SCN11A: variants seen among roughly 807,000 people sequenced by gnomAD.
SCN11A encodes sodium voltage-gated channel alpha subunit 11, also known as sodium channel protein type 11 subunit alpha.
A neutral mutation model predicts 162.2 loss-of-function variants in SCN11A; 122 were observed. That is an observed-to-expected ratio of 0.75 (90% CI 0.65 to 0.87). SCN11A has a LOEUF of 0.87. SCN11A is among the 40% of genes least tolerant of loss of function. The pLI is 0.00. For synonymous variants in SCN11A, 758 were observed against 751.5 expected (o/e 1.01, Z -0.14); for missense variants, 2,015 against 2,181.6 (o/e 0.92, Z 1.52).
In SCN11A at chr3:38,867,407, C is replaced by A. The variant is rs536925812; in HGVS notation, c.3865G>T (p.Val1289Leu). 1 of 1,612,888 alleles carries A rather than the reference C, an allele frequency of 6.2e-7. No individual in the cohort carries two copies. Residue 1289 changes from valine to leucine, a missense_variant, in exon 27 of 30, where the codon GTA (valine) becomes TTA (leucine). Val to Leu is a conservative substitution (Grantham distance 32, BLOSUM62 1). Coordinates refer to ENST00000302328, the MANE Select transcript of SCN11A (RefSeq NM_001349253.2). ...AATGAGCCAAAGATGATAAAGACTA[C>A]GAAGTAAATGTAACCGAGTGAATTG... ...ESNSLGYIYF[V>L]VFIIFGSFFT...
chr3:38,870,171 G>C (rs1424000418), intron 26 of SCN11A, among the ~76,000 whole-genome samples: 10 of 152,124 alleles, frequency 6.6e-5, no homozygotes, highest in Non-Finnish European at 1.2e-4. Context: ...TCCAACTTTG[G>C]GAATCTGTGA....
intron 7 of SCN11A, 22 bp downstream of exon 7, chr3:38,945,388 GT>G: frequency 6.6e-7 from 1 of 1,509,822 alleles, no homozygotes; most frequent in Non-Finnish European, 9.2e-7. Context: ...CTTAGGACAG[GT>G]GAGTGAAGGA....
chr3:38,880,518 G>A (rs2065291376), intron 22 of SCN11A, among the ~76,000 whole-genome samples: 1 of 152,046 alleles, frequency 6.6e-6, no homozygotes, highest in African/African-American at 2.4e-5. Context: ...CAATTGCCTT[G>A]GTGGATTAAT....
At chr3:38,887,768 G>A (rs1002221051) in intron 19 of SCN11A, among the ~76,000 whole-genome samples, 2 of 151,984 alleles carry the variant, frequency 1.3e-5, no homozygotes, top group African/African-American at 4.8e-5. Context: ...GCTAGCAGCC[G>A]GACGGATCCT....
Position 38,871,476 on chromosome 3 carries a change from A to C in SCN11A, c.3728T>G (p.Val1243Gly). Residue 1243 changes from valine to glycine, a missense_variant, in exon 25 of 30, where the codon GTG becomes GGG. Transcript: ENST00000302328. ...WINQKVNFDN[V>G]GNAYLALLQV... ...CAGCAGAGCGAGGTAAGCATTTCCCACATTGTCAAAGTTGACTTTCTGGTT... is the reference window on the plus strand; with the variant it reads ...CAGCAGAGCGAGGTAAGCATTTCCCCCATTGTCAAAGTTGACTTTCTGGTT... The C allele has an allele frequency of 6.2e-7, 1 of 1,612,102 alleles. No individual in the cohort carries two copies. The highest frequency in any genetic ancestry group is 8.5e-7 in the Non-Finnish European group (1 of 1,179,120).
chr3:38,959,310 T>C (rs1189471904), intron 3 of SCN11A, among the ~76,000 whole-genome samples: 1 of 152,214 alleles, frequency 6.6e-6, no homozygotes, highest in Non-Finnish European at 1.5e-5. Context: ...ATCACATAAG[T>C]AAGTGCTGGA....
At position 38,921,170 on chromosome 3, in the gene SCN11A, G is replaced by A. The variant is rs910354586; in HGVS notation, c.798C>T (p.Ile266=). The change falls in exon 10 of 30, where the codon ATC becomes ATT. Residue 266 remains isoleucine (I), a synonymous_variant. Coordinates refer to ENST00000302328, the MANE Select transcript of SCN11A (RefSeq NM_001349253.2). ...AGAGCTGCTGACCTACCAGGGCAAA[G>A]ATGCTGAGGCAAAAGAAGGTGAGGA... ...VIILTFFCLS[I]FALVGQQLFM... 2.5e-6 allele frequency: 4 copies of A among 1,614,010 alleles called. No homozygotes were observed. In the African/African-American group the frequency reaches 5.3e-5, roughly 22 times the overall value.
At chr3:38,968,370 C>A (rs1386347316) in intron 2 of SCN11A, among the ~76,000 whole-genome samples, 2 of 152,232 alleles carry the variant, frequency 1.3e-5, no homozygotes, top group African/African-American at 4.8e-5. Context: ...GGAGGTCAGG[C>A]AGCTGCCCCT....
chr3:38,881,559 A>C (rs1231763301), intron 22 of SCN11A, among the ~76,000 whole-genome samples: 1 of 152,176 alleles, frequency 6.6e-6, no homozygotes, highest in Non-Finnish European at 1.5e-5. Context: ...TCTTATTATT[A>C]CATAGTTGCC....
chr3:38,927,778 T>C (rs140026552), intron 7 of SCN11A, among the ~76,000 whole-genome samples: 345 of 152,262 alleles, frequency 2.3e-3, no homozygotes, highest in Non-Finnish European at 3.7e-3. Flanking sequence ...TCATGAGAAC[T>C]CACTATTACG....
intron 7 of SCN11A, among the ~76,000 whole-genome samples, chr3:38,943,732 T>C (rs1158785656): frequency 6.6e-6 from 1 of 152,158 alleles, no homozygotes; most frequent in Non-Finnish European, 1.5e-5. Flanking sequence ...AAATATTTCA[T>C]GTTGTCATTC....
chr3:39,014,910 T>A (rs1026829390), intron 2 of SCN11A, among the ~76,000 whole-genome samples: 5 of 152,242 alleles, frequency 3.3e-5, no homozygotes, highest in African/African-American at 1.2e-4. Flanking sequence ...GGGCTCATCA[T>A]CAGCCTTTGT....
At chr3:39,015,164 G>A (rs2031255564) in intron 2 of SCN11A, among the ~76,000 whole-genome samples, 1 of 152,228 alleles carries the variant, frequency 6.6e-6, no homozygotes, top group Non-Finnish European at 1.5e-5. Flanking sequence ...ACCCTCATGG[G>A]TGTGATTGGT....
intron 27 of SCN11A, among the ~76,000 whole-genome samples, chr3:38,866,382 T>C (rs779703518): frequency 7.2e-5 from 11 of 151,888 alleles, no homozygotes; most frequent in Non-Finnish European, 1.3e-4. Context: ...CCACAGCTGG[T>C]TAATTTTTTG....
chr3:39,007,461 T>C (rs1575356331), intron 2 of SCN11A, among the ~76,000 whole-genome samples: 3 of 152,088 alleles, frequency 2.0e-5, no homozygotes, highest in Admixed American at 6.5e-5. Flanking sequence ...GGTGGCTGGG[T>C]TCCCTGGATA....
At chr3:38,871,323 A>C in intron 25 of SCN11A, 122 bp downstream of exon 25, 1 of 980,294 alleles carries the variant, frequency 1.0e-6, no homozygotes, top group Non-Finnish European at 1.5e-6. Flanking sequence ...CTTTCATATA[A>C]GGAATTAGGA....
intron 2 of SCN11A, among the ~76,000 whole-genome samples, chr3:39,025,596 G>A (rs1385576109): frequency 6.6e-6 from 1 of 152,118 alleles, no homozygotes; most frequent in Non-Finnish European, 1.5e-5. Context: ...AACTGTCATG[G>A]CGCTGGTGGG....
intron 2 of SCN11A, among the ~76,000 whole-genome samples, chr3:38,972,070 T>A (rs1476638052): frequency 6.6e-6 from 1 of 152,206 alleles, no homozygotes; most frequent in African/African-American, 2.4e-5. Flanking sequence ...AAACACTAGA[T>A]GGCTGTTAAT....
chr3:38,927,006 T>C, intron 7 of SCN11A, 75 bp from the exon 8 acceptor site: 1 of 1,386,338 alleles, frequency 7.2e-7, no homozygotes, highest in Non-Finnish European at 9.8e-7. Flanking sequence ...TCTATCTTAC[T>C]GGCCTTGATT....
Sources: gnomAD v4.1 joint callset for allele counts (sites outside exome capture counted in the v4.1 genomes callset) on GRCh38, gnomAD v4.1.1 for gene constraint, MANE v1.5 for transcripts, NCBI Gene and HGNC (gene_info 2026-07-23, HGNC 2026-07-21) for gene names.